USP31: variants seen among roughly 807,000 people sequenced by gnomAD.
The protein encoded by USP31 is ubiquitin carboxyl-terminal hydrolase 31.
Under a neutral mutation model 119.4 loss-of-function variants are expected in USP31, and 44 were observed. That is an observed-to-expected ratio of 0.37 (90% CI 0.29 to 0.47). USP31 has a LOEUF of 0.47. USP31 is among the 20% of genes least tolerant of loss of function. USP31 has a pLI of 0.99. For missense variants in USP31, 1,643 were observed against 1,730.2 expected, an observed-to-expected ratio of 0.95 and a Z score of 0.89; for synonymous variants, 749 against 705.6, an observed-to-expected ratio of 1.06 and a Z score of -0.97.
In USP31 at chr16:23,067,075, C is replaced by CG. The variant is rs1441962468; in HGVS notation, c.*970_*971insC. ...CAGGGCATCGTGGAGCTTCCCACCT[C>CG]TAACGGAAAAATGCAACACCTGACA... is the stretch of plus-strand genomic sequence containing the variant. On this transcript the variant is annotated 3_prime_UTR_variant, in exon 16 of 16. Transcript: ENST00000219689. 1 of 152,274 alleles carries CG rather than the reference C, an allele frequency of 6.6e-6. No homozygotes were observed. Among genetic ancestry groups the CG allele is most frequent in the Non-Finnish European group, 1.5e-5 (1 of 68,044 alleles). The allele number at this position is 152,274 out of a possible 1,614,324, so 9.4% of individuals were successfully genotyped here.
intron 8 of USP31, 146 bp downstream of exon 8, chr16:23,087,578 T>C (rs371943113): frequency 1.4e-5 from 10 of 697,950 alleles, no homozygotes; most frequent in East Asian, 8.2e-5. Context: ...AAGGAAAACC[T>C]TGCAGTGGCT....
chr16:23,116,489 G>A (rs894795859), intron 1 of USP31, among the ~76,000 whole-genome samples: 8 of 152,116 alleles, frequency 5.3e-5, no homozygotes, highest in Admixed American at 2.0e-4. Context: ...AAACAGATAC[G>A]ACTCATGAAA....
chr16:23,126,269 T>C (rs1370370651), intron 1 of USP31, among the ~76,000 whole-genome samples: 2 of 148,492 alleles, frequency 1.3e-5, no homozygotes, highest in Non-Finnish European at 3.0e-5. Flanking sequence ...TGCAGTAAGC[T>C]GTGATCGCAC....
At chr16:23,076,915 T>C (rs569790903) in intron 13 of USP31, among the ~76,000 whole-genome samples, 1 of 152,284 alleles carries the variant, frequency 6.6e-6, no homozygotes, top group African/African-American at 2.4e-5. Flanking sequence ...AAGTATAGAA[T>C]TCCATCACTC....
At chr16:23,073,615 C>G (rs1900434021) in intron 14 of USP31, 107 bp downstream of exon 14, 2 of 1,338,728 alleles carry the variant, frequency 1.5e-6, no homozygotes, top group Non-Finnish European at 1.0e-6. Flanking sequence ...AAGGATTCAT[C>G]TGATCAAACT....
Position 23,082,349 on chromosome 16 carries a change from T to A in USP31, c.1950+89A>T, listed in dbSNP as rs1490142455. ...CAGGACTCACTGGATCAAACAGGTA[T>A]ACCAAAGAACCCTCACAGAGCCCAT... On this transcript the variant is annotated intron_variant, in intron 12 of 15. Coordinates refer to ENST00000219689, the MANE Select transcript of USP31 (RefSeq NM_020718.4). 1.1e-5 allele frequency: 17 copies of A among 1,540,806 alleles called. No individual in the cohort carries two copies. In the East Asian group the frequency reaches 3.2e-4, roughly 29 times the overall value.
chr16:23,128,258 G>C (rs998939268), intron 1 of USP31, among the ~76,000 whole-genome samples: 3 of 152,172 alleles, frequency 2.0e-5, no homozygotes, highest in African/African-American at 7.2e-5. Context: ...ACTAATTCCA[G>C]ATCTGGTGCA....
chr16:23,084,991 T>G lies in USP31; in HGVS notation c.1701-2A>C. The G allele has an allele frequency of 1.9e-6, 3 of 1,613,444 alleles. No homozygotes were observed. Among genetic ancestry groups the G allele is most frequent in the Non-Finnish European group, 1.7e-6 (2 of 1,179,840 alleles). ...TCATCCTCAGTATTTACAAATAAGCTGCAATTAGGGGGAAAAGCATCTATC... is the reference window on the plus strand; with the variant it reads ...TCATCCTCAGTATTTACAAATAAGCGGCAATTAGGGGGAAAAGCATCTATC... On this transcript the variant is annotated splice_acceptor_variant, in intron 10 of 15. Coordinates refer to ENST00000219689, the MANE Select transcript of USP31 (RefSeq NM_020718.4). LOFTEE classifies it high-confidence loss of function.
chr16:23,084,042 AAATT>A (rs1428882683), intron 11 of USP31, among the ~76,000 whole-genome samples: 3 of 152,222 alleles, frequency 2.0e-5, no homozygotes, highest in African/African-American at 7.2e-5. Context: ...CACCTATTTG[AAATT>A]AAGCAGAAGA....
chr16:23,078,717 G>A (rs764894433), intron 13 of USP31, among the ~76,000 whole-genome samples: 1 of 152,126 alleles, frequency 6.6e-6, no homozygotes, highest in South Asian at 2.1e-4. Flanking sequence ...TAGAGCCCAG[G>A]GCAAGCAGGA....
At chr16:23,092,947 C>T (rs1238585849) in intron 6 of USP31, among the ~76,000 whole-genome samples, 2 of 152,132 alleles carry the variant, frequency 1.3e-5, no homozygotes, top group East Asian at 3.8e-4. Context: ...AGTACAATCT[C>T]TTCATCAAAT....
At chr16:23,109,841 C>CAAA (rs60568760) in intron 1 of USP31, among the ~76,000 whole-genome samples, 8 of 110,200 alleles carry the variant, frequency 7.3e-5, no homozygotes, top group South Asian at 3.2e-4. Context: ...GACATTCTAC[C>CAAA]AAAAAAAAAA....
intron 1 of USP31, among the ~76,000 whole-genome samples, chr16:23,113,185 A>T (rs909618037): frequency 6.6e-6 from 1 of 152,166 alleles, no homozygotes; most frequent in Non-Finnish European, 1.5e-5. Flanking sequence ...TTAGGTAGAT[A>T]ATGAACCAGG....
rs757001248 is a variant in USP31, at chr16:23,069,232, A to C, written c.2873T>G (p.Leu958Trp). The C allele has an allele frequency of 1.2e-6, 2 of 1,614,212 alleles. No individual in the cohort carries two copies. The highest frequency in any genetic ancestry group is 1.7e-5 in the Admixed American group (1 of 60,020). Residue 958 changes from leucine to tryptophan, a missense_variant, in exon 16 of 16, where the codon TTG (leucine) becomes TGG (tryptophan). Physicochemically the swap from Leu to Trp is moderately conservative, Grantham distance 61. Around this residue, in one of 5 missense-constraint regions of USP31, gnomAD observed 699 missense variants for 650.9 expected, o/e 1.07. Transcript: ENST00000219689. ...CTGTGTATCTACGACACTGGAGTTC[A>C]ATCTGCGGGTGTCCGATTCGTCTTT... Reference protein sequence around the residue: ...VFKDESDTRRLNSSVVDTQSK... With the variant: ...VFKDESDTRRWNSSVVDTQSK...
chr16:23,107,350 G>A (rs966178057), intron 2 of USP31, among the ~76,000 whole-genome samples: 7 of 152,114 alleles, frequency 4.6e-5, no homozygotes, highest in Non-Finnish European at 8.8e-5. Context: ...GTCTCAATTT[G>A]GTGGGAGAGT....
In USP31 at chr16:23,114,196, G is replaced by A. The variant is rs571885099; in HGVS notation, c.634-6013C>T. ...AGGAACTGGCCTTAAACAGAAGGTC[G>A]GTAGGAGAGATGGAAGAGAAGGAGG... On this transcript the variant is annotated intron_variant, in intron 1 of 15. Transcript: ENST00000219689. Among the ~76,000 whole-genome samples, 9 of 152,246 alleles carry A rather than the reference G, an allele frequency of 5.9e-5. No individual in the cohort carries two copies. The East Asian group carries it at 9.7e-4, about 16-fold the overall frequency.
intron 14 of USP31, chr16:23,072,518 A>G: frequency 3.5e-6 from 2 of 573,756 alleles, no homozygotes; most frequent in South Asian, 2.3e-5. Flanking sequence ...TCATACATTC[A>G]TTCTACAAAT....
chr16:23,106,224 C>A lies in USP31; in HGVS notation c.942G>T (p.Leu314=), dbSNP rs1389749063. ...PFLCISLPIP[L]PHTRPLYVTV... is the part of the protein sequence containing the mutation. ...AAATCCATTCTTACCTTGTGTGGGG[C>A]AGAGGAATTGGCAAAGAAATGCAAA... The change falls in exon 4 of 16, where the codon CTG becomes CTT. Residue 314 remains leucine (L), a synonymous_variant. Transcript: ENST00000219689. 1 of 1,614,134 alleles carries A rather than the reference C, an allele frequency of 6.2e-7. No homozygotes were observed. The highest frequency in any genetic ancestry group is 1.1e-5 in the South Asian group (1 of 91,078).
At position 23,072,205 on chromosome 16, in the gene USP31, G is replaced by C; in HGVS notation, c.2336-8C>G. On this transcript the variant is annotated splice_region_variant and splice_polypyrimidine_tract_variant and intron_variant, in intron 14 of 15. Transcript: ENST00000219689. ...GGGAAGAACTTGTGGAGCCTGCAGA[G>C]AAGAAAACAGGCATAGAGGTCAGGC... 6.2e-7 allele frequency: 1 copy of C among 1,603,294 alleles called. No individual in the cohort carries two copies. Among genetic ancestry groups the C allele is most frequent in the Middle Eastern group, 1.7e-4 (1 of 6,060 alleles).
Sources: gnomAD v4.1 joint callset for allele counts (sites outside exome capture counted in the v4.1 genomes callset) on GRCh38, gnomAD v4.1.1 for gene constraint, gnomAD v4.1.1 regional missense constraint, MANE v1.5 for transcripts, NCBI Gene and HGNC (gene_info 2026-07-23, HGNC 2026-07-21) for gene names.